Variants in ADGRL3 observed in about 807,000 individuals in gnomAD.
The protein encoded by ADGRL3 is calcium-independent alpha-latrotoxin receptor 3.
In ADGRL3, 62 loss-of-function variants were observed where a neutral mutation model predicts 153.5. The ratio of observed to expected loss-of-function variants is 0.40; its 90% CI spans 0.33 to 0.50. The LOEUF is 0.50. ADGRL3 is among the 20% of genes least tolerant of loss of function. The pLI, the probability that ADGRL3 is intolerant of heterozygous loss-of-function variation, is 0.47. For missense variants in ADGRL3, 1,641 were observed against 1,859.4 expected, an observed-to-expected ratio of 0.88 and a Z score of 2.16; for synonymous variants, 710 against 672.5, an observed-to-expected ratio of 1.06 and a Z score of -0.86.
intron 9 of ADGRL3, among the ~76,000 whole-genome samples, chr4:61,863,004 G>A (rs2098359222): frequency 6.6e-6 from 1 of 152,120 alleles, no homozygotes; most frequent in South Asian, 2.1e-4. Flanking sequence ...CAGTGGTATA[G>A]GTGAAAAACA....
chr4:61,204,420 C>T (rs1196920189), intron 1 of ADGRL3, among the ~76,000 whole-genome samples: 1 of 152,154 alleles, frequency 6.6e-6, no homozygotes, highest in Non-Finnish European at 1.5e-5. Flanking sequence ...ACTTGTCCTC[C>T]CATTTTCCAA....
intron 8 of ADGRL3, among the ~76,000 whole-genome samples, chr4:61,763,895 AT>A (rs2096941974): frequency 6.6e-6 from 1 of 152,156 alleles, no homozygotes; most frequent in Non-Finnish European, 1.5e-5. Flanking sequence ...TTTTAACCTT[AT>A]TTGGCTACTA....
intron 1 of ADGRL3, among the ~76,000 whole-genome samples, chr4:61,278,000 G>C (rs1195840703): frequency 6.6e-6 from 1 of 152,138 alleles, no homozygotes; most frequent in Non-Finnish European, 1.5e-5. Flanking sequence ...CCATTGTAAG[G>C]CTTTGTGACT....
intron 5 of ADGRL3, among the ~76,000 whole-genome samples, chr4:61,627,948 C>A (rs1436022395): frequency 1.3e-5 from 2 of 152,068 alleles, no homozygotes; most frequent in African/African-American, 4.8e-5. Context: ...AAATAAGGCT[C>A]TACAGATAGG....
chr4:61,475,226 G>T (rs1048980013), intron 2 of ADGRL3, among the ~76,000 whole-genome samples: 1 of 151,982 alleles, frequency 6.6e-6, no homozygotes, highest in Non-Finnish European at 1.5e-5. Flanking sequence ...TTACTTATTT[G>T]TAAAAAATAA....
intron 9 of ADGRL3, among the ~76,000 whole-genome samples, chr4:61,869,976 A>AAAAAAAAAAAAG (rs2098432423): frequency 1.0e-5 from 1 of 99,592 alleles, no homozygotes; most frequent in African/African-American, 3.4e-5. Context: ...GAGAGAGAGA[A>AAAAAAAAAAAAG]AGAGAGAGAG....
intron 1 of ADGRL3, among the ~76,000 whole-genome samples, chr4:61,357,318 T>C (rs1326461928): frequency 1.3e-5 from 2 of 152,164 alleles, no homozygotes; most frequent in African/African-American, 4.8e-5. Context: ...AATATAATTA[T>C]AATTTAAAAA....
chr4:61,399,245 A>G (rs1221544601), intron 2 of ADGRL3, among the ~76,000 whole-genome samples: 1 of 151,692 alleles, frequency 6.6e-6, no homozygotes, highest in African/African-American at 2.4e-5. Flanking sequence ...TTTAAATGAA[A>G]TATGTAAAAT....
At chr4:62,047,200 T>C (rs1731593938) in intron 25 of ADGRL3, among the ~76,000 whole-genome samples, 1 of 151,994 alleles carries the variant, frequency 6.6e-6, no homozygotes, top group African/African-American at 2.4e-5. Context: ...GTAAGTTAGA[T>C]GTATTGAATC....
intron 1 of ADGRL3, among the ~76,000 whole-genome samples, chr4:61,269,354 A>G (rs954071913): frequency 6.6e-6 from 1 of 151,608 alleles, no homozygotes; most frequent in African/African-American, 2.4e-5. Context: ...TGAGAACAAT[A>G]GGTCTGATTT....
intron 6 of ADGRL3, among the ~76,000 whole-genome samples, chr4:61,689,131 A>T (rs1247438200): frequency 3.3e-5 from 5 of 152,096 alleles, no homozygotes; most frequent in African/African-American, 1.2e-4. Flanking sequence ...TGGAGTTGAT[A>T]TGCTGGTACT....
intron 8 of ADGRL3, among the ~76,000 whole-genome samples, chr4:61,750,173 G>A (rs143965541): frequency 0.015 from 1,303 of 85,438 alleles, 30 homozygotes; most frequent in African/African-American, 0.056. Flanking sequence ...AAAGAAAAAA[G>A]GGGATGGTTA....
intron 25 of ADGRL3, among the ~76,000 whole-genome samples, chr4:62,061,535 A>T (rs1318841313): frequency 6.6e-6 from 1 of 151,986 alleles, no homozygotes; most frequent in Non-Finnish European, 1.5e-5. Context: ...ACACCATCAT[A>T]GTGAAGATAC....
chr4:61,662,031 A>G (rs1044075298), intron 5 of ADGRL3, among the ~76,000 whole-genome samples: 4 of 152,212 alleles, frequency 2.6e-5, no homozygotes, highest in Non-Finnish European at 4.4e-5. Flanking sequence ...GTGGTAGCCA[A>G]TCTGGAGTGG....
intron 3 of ADGRL3, among the ~76,000 whole-genome samples, chr4:61,511,288 G>A (rs1264275402): frequency 6.6e-6 from 1 of 152,134 alleles, no homozygotes; most frequent in African/African-American, 2.4e-5. Context: ...AGAATCACTT[G>A]AACCCAGGAA....
intron 5 of ADGRL3, among the ~76,000 whole-genome samples, chr4:61,650,186 T>C (rs566916644): frequency 1.3e-5 from 2 of 152,320 alleles, no homozygotes; most frequent in South Asian, 4.1e-4. Context: ...CCTATAAGGA[T>C]GTATACTGTA....
At chr4:61,510,980 C>T (rs60464667) in intron 3 of ADGRL3, among the ~76,000 whole-genome samples, 18,805 of 151,942 alleles carry the variant, frequency 0.12, 1,356 homozygotes, top group African/African-American at 0.19. Flanking sequence ...ATCTTTTCAC[C>T]CCCCTGATTA....
intron 2 of ADGRL3, among the ~76,000 whole-genome samples, chr4:61,408,679 A>T (rs2097037611): frequency 6.6e-6 from 1 of 152,096 alleles, no homozygotes; most frequent in African/African-American, 2.4e-5. Flanking sequence ...TACAGAGTAC[A>T]AAAGAATCAG....
chr4:61,767,249 A>C (rs1340498418), intron 8 of ADGRL3, among the ~76,000 whole-genome samples: 1 of 151,988 alleles, frequency 6.6e-6, no homozygotes, highest in Admixed American at 6.6e-5. Context: ...GGAAGCAGAT[A>C]ATTTAGTTAA....
Sources: allele counts gnomAD v4.1 joint callset (sites outside exome capture counted in the v4.1 genomes callset), GRCh38; gene constraint gnomAD v4.1.1; transcripts MANE v1.5; gene names NCBI Gene and HGNC (gene_info 2026-07-23, HGNC 2026-07-21).